EYS: variants seen among roughly 807,000 people sequenced by gnomAD.
The protein encoded by EYS is EGF-like photoreceptor maintenance factor, also known as protein eyes shut homolog.
A neutral mutation model predicts 282.1 loss-of-function variants in EYS; 250 were observed. The observed-to-expected ratio is 0.89, with a 90% CI of 0.80 to 0.98. The LOEUF (loss-of-function observed/expected upper bound fraction) is 0.98, where lower values mean the gene tolerates loss of function less well. EYS is among the 50% of genes least tolerant of loss of function. The pLI, the probability that EYS is intolerant of heterozygous loss-of-function variation, is 0.00. For missense variants in EYS, 4,016 were observed against 3,709.0 expected (o/e 1.08, Z -2.15); for synonymous variants, 1,355 against 1,282.9 (o/e 1.06, Z -1.20).
intron 26 of EYS, among the ~76,000 whole-genome samples, chr6:64,498,255 A>G (rs958566254): frequency 6.6e-6 from 1 of 152,098 alleles, no homozygotes; most frequent in Non-Finnish European, 1.5e-5. Context: ...TTATTATTAT[A>G]CAATTTTATA....
chr6:64,922,638 T>A (rs1380971843), intron 15 of EYS, among the ~76,000 whole-genome samples: 1 of 152,204 alleles, frequency 6.6e-6, no homozygotes, highest in Non-Finnish European at 1.5e-5. Context: ...AATGCCAGTA[T>A]TCACTGGCCC....
In EYS at chr6:65,639,908, T is replaced by G. The variant is rs958821508; in HGVS notation, c.-447-16A>C. The G allele has an allele frequency of 1.3e-5, 2 of 152,098 alleles. No individual in the cohort carries two copies. The highest frequency in any genetic ancestry group is 4.8e-5 in the African/African-American group (2 of 41,434). The allele number at this position is 152,098 out of a possible 1,614,324, so 9.4% of individuals were successfully genotyped here. On this transcript the variant is annotated splice_polypyrimidine_tract_variant and intron_variant, in intron 1 of 42. Coordinates refer to ENST00000503581, the MANE Select transcript of EYS (RefSeq NM_001142800.2). ...AGGCACAAAGCTGGAAAAAAAGAAA[T>G]AAGAAAAATTATTTTATCTTTCAGT... is the stretch of plus-strand genomic sequence containing the variant.
intron 2 of EYS, among the ~76,000 whole-genome samples, chr6:65,619,429 T>C (rs375732018): frequency 1.3e-5 from 2 of 152,222 alleles, no homozygotes; most frequent in Non-Finnish European, 2.9e-5. Context: ...GCTGAAGTTG[T>C]TTATCAGCTT....
chr6:65,363,311 C>A (rs1764785192), intron 8 of EYS, among the ~76,000 whole-genome samples: 2 of 151,890 alleles, frequency 1.3e-5, no homozygotes, highest in South Asian at 2.1e-4. Context: ...ATTTTCCTTT[C>A]CCAGCTAATT....
intron 11 of EYS, among the ~76,000 whole-genome samples, chr6:65,298,687 A>G (rs1768732072): frequency 6.6e-6 from 1 of 151,510 alleles, no homozygotes. Context: ...CCATTTCTAT[A>G]TCAACCTACC....
chr6:65,409,964 T>C (rs986276943), intron 5 of EYS, among the ~76,000 whole-genome samples: 17 of 152,088 alleles, frequency 1.1e-4, no homozygotes, highest in African/African-American at 4.1e-4. Flanking sequence ...TATTTATTAA[T>C]ATATAAGCAT....
chr6:64,507,331 T>C (rs1777243955), intron 26 of EYS, among the ~76,000 whole-genome samples: 1 of 152,104 alleles, frequency 6.6e-6, no homozygotes, highest in Non-Finnish European at 1.5e-5. Flanking sequence ...GACTACCTGT[T>C]TAAAAGAGGA....
In EYS at chr6:65,282,137, A is replaced by T. The variant is rs1473303469; in HGVS notation, c.2023+13726T>A. On this transcript the variant is annotated intron_variant, in intron 12 of 42. Transcript: ENST00000503581. ...CAAAATTTCAGACAGGAGGGAAAAAAATATATATATAGTTCTATGGCACAG... is the reference window on the plus strand; with the variant it reads ...CAAAATTTCAGACAGGAGGGAAAAATATATATATATAGTTCTATGGCACAG... 3.9e-5 allele frequency among the ~76,000 whole-genome samples: 6 copies of T among 151,924 alleles called. No individual in the cohort carries two copies. The East Asian group carries it at 5.8e-4, about 15-fold the overall frequency.
chr6:64,394,588 C>T (rs1773290000), intron 28 of EYS, among the ~76,000 whole-genome samples: 1 of 151,970 alleles, frequency 6.6e-6, no homozygotes, highest in Admixed American at 6.6e-5. Context: ...ATGTAGAAAG[C>T]TGAAACTGGA....
intron 33 of EYS, among the ~76,000 whole-genome samples, chr6:64,047,199 A>C (rs1270027034): frequency 6.6e-6 from 1 of 152,170 alleles, no homozygotes; most frequent in Non-Finnish European, 1.5e-5. Flanking sequence ...AAACAAGATA[A>C]AATTGTGGTA....
At chr6:64,530,062 T>C (rs1404400415) in intron 26 of EYS, among the ~76,000 whole-genome samples, 1 of 152,098 alleles carries the variant, frequency 6.6e-6, no homozygotes, top group Non-Finnish European at 1.5e-5. Flanking sequence ...ATGCAGTCCA[T>C]GTTTAATGTT....
Position 64,912,454 on chromosome 6 carries a change from A to T in EYS, c.2641+30T>A, listed in dbSNP as rs1012102762. 24 of 1,538,816 alleles carry T rather than the reference A, an allele frequency of 1.6e-5. 1 individual carries two copies. The Middle Eastern group carries it at 1.8e-3, about 118-fold the overall frequency. On this transcript the variant is annotated intron_variant, in intron 16 of 42. Coordinates refer to ENST00000503581, the MANE Select transcript of EYS (RefSeq NM_001142800.2). Reference sequence around the variant, plus strand: ...ACACAAACTAATTAAGTAATTATTTAAAAACAATAAAATCCATATTAGCTC... The same window carrying T: ...ACACAAACTAATTAAGTAATTATTTTAAAACAATAAAATCCATATTAGCTC...
chr6:65,636,485 G>A (rs1198622004), intron 2 of EYS, among the ~76,000 whole-genome samples: 2 of 152,068 alleles, frequency 1.3e-5, no homozygotes, highest in African/African-American at 4.8e-5. Context: ...CTCTTCTCTT[G>A]CAAATTTCTG....
intron 22 of EYS, among the ~76,000 whole-genome samples, chr6:64,802,323 A>T (rs1764271466): frequency 6.6e-6 from 1 of 151,970 alleles, no homozygotes; most frequent in Non-Finnish European, 1.5e-5. Flanking sequence ...AAGTGCTGGG[A>T]TTACAGGAGT....
At chr6:64,711,806 G>C (rs893560021) in intron 22 of EYS, among the ~76,000 whole-genome samples, 1 of 152,150 alleles carries the variant, frequency 6.6e-6, no homozygotes, top group African/African-American at 2.4e-5. Flanking sequence ...CTTCCCCGAA[G>C]TCAGGCCATC....
intron 1 of EYS, among the ~76,000 whole-genome samples, chr6:65,706,077 C>T (rs572507852): frequency 1.6e-3 from 236 of 151,428 alleles, no homozygotes; most frequent in Non-Finnish European, 2.3e-3. Context: ...TAATATATAT[C>T]AATATGTTGC....
At chr6:63,878,747 A>G (rs1349161215) in intron 35 of EYS, among the ~76,000 whole-genome samples, 1 of 152,126 alleles carries the variant, frequency 6.6e-6, no homozygotes, top group Non-Finnish European at 1.5e-5. Flanking sequence ...GCAGTGTGTG[A>G]GGCTCTATGG....
At chr6:64,631,708 A>G (rs539015400) in intron 22 of EYS, 1 of 152,100 alleles carries the variant, frequency 6.6e-6, no homozygotes, top group Non-Finnish European at 1.5e-5. Flanking sequence ...GGCACATAAC[A>G]AAGCAATTCT....
At chr6:64,232,863 A>G (rs1025000136) in intron 30 of EYS, among the ~76,000 whole-genome samples, 2 of 152,242 alleles carry the variant, frequency 1.3e-5, no homozygotes, top group Non-Finnish European at 2.9e-5. Flanking sequence ...GAAAATTAGC[A>G]TACATCTTCC....
Sources: gnomAD v4.1 joint callset for allele counts (sites outside exome capture counted in the v4.1 genomes callset) on GRCh38, gnomAD v4.1.1 for gene constraint, MANE v1.5 for transcripts, NCBI Gene and HGNC (gene_info 2026-07-23, HGNC 2026-07-21) for gene names.